Variants in DPYD observed in about 807,000 individuals in gnomAD.
DPYD encodes dihydropyrimidine dehydrogenase [NADP(+)].
In DPYD, 109 loss-of-function variants were observed where a neutral mutation model predicts 116.2. That is an observed-to-expected ratio of 0.94 (90% CI 0.80 to 1.10). The LOEUF is 1.10. Ranked by LOEUF, DPYD falls within the 50% of genes least tolerant of loss-of-function variation. The pLI is 0.00. For missense variants in DPYD, 1,302 were observed against 1,254.5 expected, an observed-to-expected ratio of 1.04 and a Z score of -0.57; for synonymous variants, 440 against 432.0, an observed-to-expected ratio of 1.02 and a Z score of -0.23.
At chr1:97,360,635 T>G (rs1488372104) in intron 16 of DPYD, among the ~76,000 whole-genome samples, 1 of 152,116 alleles carries the variant, frequency 6.6e-6, no homozygotes, top group East Asian at 1.9e-4. Context: ...AAATTAGAAC[T>G]CAGGATTAAG....
At chr1:97,629,796 T>A (rs1039694441) in intron 8 of DPYD, among the ~76,000 whole-genome samples, 1 of 152,106 alleles carries the variant, frequency 6.6e-6, no homozygotes, top group Non-Finnish European at 1.5e-5. Context: ...TAGACAATGC[T>A]ATGATCTATG....
chr1:97,340,320 C>G (rs1486124227), intron 16 of DPYD, among the ~76,000 whole-genome samples: 1 of 151,918 alleles, frequency 6.6e-6, no homozygotes, highest in Non-Finnish European at 1.5e-5. Flanking sequence ...GAATAATTCT[C>G]AAAGCTATAT....
chr1:97,194,497 C>A (rs1658608995), intron 19 of DPYD, among the ~76,000 whole-genome samples: 1 of 151,806 alleles, frequency 6.6e-6, no homozygotes, highest in African/African-American at 2.4e-5. Flanking sequence ...TCAGGTATAT[C>A]TTTTTATTTA....
At chr1:97,325,210 A>C (rs1668651896) in intron 16 of DPYD, among the ~76,000 whole-genome samples, 1 of 152,068 alleles carries the variant, frequency 6.6e-6, no homozygotes, top group African/African-American at 2.4e-5. Context: ...CTTAACAAGG[A>C]ACATACTATG....
At chr1:97,307,390 C>G (rs891425856) in intron 16 of DPYD, among the ~76,000 whole-genome samples, 1 of 151,642 alleles carries the variant, frequency 6.6e-6, no homozygotes, top group African/African-American at 2.4e-5. Flanking sequence ...GAAAGTTGCT[C>G]TTTGCATTTT....
At chr1:97,239,718 G>C (rs998797629) in intron 18 of DPYD, among the ~76,000 whole-genome samples, 3 of 152,054 alleles carry the variant, frequency 2.0e-5, no homozygotes, top group African/African-American at 7.2e-5. Context: ...CAACATCAGA[G>C]AGACAACTGG....
At chr1:97,333,518 T>TTTC in intron 16 of DPYD, among the ~76,000 whole-genome samples, 1 of 58,946 alleles carries the variant, frequency 1.7e-5, no homozygotes, top group African/African-American at 7.8e-5. Flanking sequence ...AGTCTTAGGA[T>TTTC]TTTTTTTTTT....
intron 4 of DPYD, among the ~76,000 whole-genome samples, chr1:97,730,165 G>A (rs1218390088): frequency 6.6e-6 from 1 of 151,656 alleles, no homozygotes; most frequent in Non-Finnish European, 1.5e-5. Flanking sequence ...AACCCCTTTT[G>A]GCTGTAAGCA....
At chr1:97,499,581 A>C (rs1679460043) in intron 13 of DPYD, among the ~76,000 whole-genome samples, 1 of 151,826 alleles carries the variant, frequency 6.6e-6, no homozygotes, top group Non-Finnish European at 1.5e-5. Context: ...GGGAACAAAA[A>C]AACATCCATA....
At chr1:97,748,998 T>C (rs1664715047) in intron 3 of DPYD, among the ~76,000 whole-genome samples, 1 of 152,104 alleles carries the variant, frequency 6.6e-6, no homozygotes, top group Admixed American at 6.5e-5. Flanking sequence ...GTTTGAAAAG[T>C]ATCTGAAGGA....
At chr1:97,890,593 A>G (rs188360923) in intron 1 of DPYD, among the ~76,000 whole-genome samples, 2 of 152,068 alleles carry the variant, frequency 1.3e-5, no homozygotes, top group East Asian at 1.9e-4. Flanking sequence ...GCTTATAGAA[A>G]AAAAGTGAAA....
At chr1:97,523,376 T>C (rs1648829141) in intron 12 of DPYD, among the ~76,000 whole-genome samples, 1 of 152,160 alleles carries the variant, frequency 6.6e-6, no homozygotes, top group Non-Finnish European at 1.5e-5. Context: ...GAGTAAAGGT[T>C]TTATTCACTT....
chr1:97,104,627 T>C (rs922584699), intron 20 of DPYD, among the ~76,000 whole-genome samples: 1 of 152,056 alleles, frequency 6.6e-6, no homozygotes, highest in Non-Finnish European at 1.5e-5. Flanking sequence ...GAAGGTAGGA[T>C]GGCAAGTGGT....
chr1:97,089,572 C>T (rs1422729033), intron 21 of DPYD, among the ~76,000 whole-genome samples: 1 of 152,118 alleles, frequency 6.6e-6, no homozygotes, highest in Non-Finnish European at 1.5e-5. Flanking sequence ...CTTCTTTTAT[C>T]TCATTCTTTC....
chr1:97,907,887 C>CTAAA lies in DPYD; in HGVS notation c.39+12993_39+12996dup, dbSNP rs58345815. 3.4e-3 allele frequency among the ~76,000 whole-genome samples: 519 copies of CTAAA among 152,184 alleles called. 7 individuals are homozygous for CTAAA. Among genetic ancestry groups the CTAAA allele is most frequent in the African/African-American group, 0.012 (504 of 41,552 alleles). ...CTCACTCATTCTCAAGTCTAGAAGT[C>CTAAA]TAAAGTAAAGGTGTCAACCTTGTCA... On this transcript the variant is annotated intron_variant, in intron 1 of 22. Coordinates refer to ENST00000370192, the MANE Select transcript of DPYD (RefSeq NM_000110.4).
chr1:97,653,179 C>T lies in DPYD; in HGVS notation c.850+25916G>A, dbSNP rs12093067. The stretch of plus-strand genomic sequence containing the variant: ...AAGAGAGTATGCCTAAATTCTTTAC[C>T]GAAGGACAAGTATAGTGCATGGACA... On this transcript the variant is annotated intron_variant, in intron 8 of 22. Coordinates refer to ENST00000370192, the MANE Select transcript of DPYD (RefSeq NM_000110.4). Among the ~76,000 whole-genome samples the T allele has an allele frequency of 5.2e-3, 798 of 152,076 alleles. 4 individuals carry two copies. Among genetic ancestry groups the T allele is most frequent in the African/African-American group, 0.018 (747 of 41,470 alleles).
chr1:97,420,896 T>C (rs1035606293), intron 14 of DPYD, among the ~76,000 whole-genome samples: 1 of 152,182 alleles, frequency 6.6e-6, no homozygotes, highest in Non-Finnish European at 1.5e-5. Flanking sequence ...AGGTAATTAA[T>C]ACTCTGAACT....
intron 8 of DPYD, among the ~76,000 whole-genome samples, chr1:97,664,061 A>T (rs959998334): frequency 6.6e-6 from 1 of 152,188 alleles, no homozygotes; most frequent in Non-Finnish European, 1.5e-5. Context: ...CTTGATAACA[A>T]GGTCACATTA....
chr1:97,691,017 T>C (rs1340786642), intron 7 of DPYD, among the ~76,000 whole-genome samples: 1 of 152,126 alleles, frequency 6.6e-6, no homozygotes, highest in Non-Finnish European at 1.5e-5. Flanking sequence ...TAAATCACAG[T>C]ACATTATTAA....
Sources: gnomAD v4.1 joint callset for allele counts (sites outside exome capture counted in the v4.1 genomes callset) on GRCh38, gnomAD v4.1.1 for gene constraint, MANE v1.5 for transcripts, NCBI Gene and HGNC (gene_info 2026-07-23, HGNC 2026-07-21) for gene names.